CALN1: variants seen among roughly 807,000 people sequenced by gnomAD.
The protein encoded by CALN1 is calcium-binding protein 8.
A neutral mutation model predicts 30.6 loss-of-function variants in CALN1; 17 were observed. The ratio of observed to expected loss-of-function variants is 0.56; its 90% CI spans 0.38 to 0.83. The LOEUF is 0.83. Among genes scored for constraint, CALN1 ranks in the 40% least tolerant of loss-of-function variants. The pLI, the probability that CALN1 is intolerant of heterozygous loss-of-function variation, is 0.00. For missense variants in CALN1, 291 were observed against 354.9 expected (o/e 0.82, Z 1.45); for synonymous variants, 156 against 131.4 (o/e 1.19, Z -1.28).
In CALN1 at chr7:71,920,367, GCT is replaced by G. The variant is rs1276981407; in HGVS notation, c.501+103288_501+103289del. Among the ~76,000 whole-genome samples the G allele has an allele frequency of 3.3e-5, 4 of 119,940 alleles. No individual in the cohort carries two copies. In the East Asian group the frequency reaches 9.8e-4, roughly 29 times the overall value. The allele number at this position is 119,940 out of a possible 152,430, so 78.7% of individuals were successfully genotyped here. A position where few individuals can be genotyped will look rare whatever the true frequency, so the allele number is the denominator to read the frequency against. On this transcript the variant is annotated intron_variant, in intron 5 of 6. Coordinates refer to ENST00000395275, the MANE Select transcript of CALN1 (RefSeq NM_031468.4). Reference sequence around the variant, plus strand: ...TTTTTTTTTTTTGAGATGGAGTCTTGCTCTGTCACCTAGGCTGGAGTGTAGTG... The same window carrying G: ...TTTTTTTTTTTTGAGATGGAGTCTTGCTGTCACCTAGGCTGGAGTGTAGTG...
the CALN1 span, among the ~76,000 whole-genome samples, chr7:72,492,057 C>T: frequency 1.3e-5 from 2 of 152,180 alleles, no homozygotes; most frequent in Non-Finnish European, 2.9e-5. Context: ...TCATCTCTAC[C>T]CTTGGGCTCA....
chr7:71,840,218 T>C (rs78822119), intron 5 of CALN1, among the ~76,000 whole-genome samples: 1 of 100,930 alleles, frequency 9.9e-6, no homozygotes, highest in South Asian at 3.2e-4. Flanking sequence ...ATCCCAACAC[T>C]TTGGGAGGCT....
chr7:71,822,215 A>T (rs1788634836), intron 5 of CALN1, among the ~76,000 whole-genome samples: 1 of 151,218 alleles, frequency 6.6e-6, no homozygotes, highest in Non-Finnish European at 1.5e-5. Flanking sequence ...TATTGTTATA[A>T]ACATATTTGG....
At chr7:71,984,299 C>T (rs1446614007) in intron 5 of CALN1, among the ~76,000 whole-genome samples, 15 of 152,106 alleles carry the variant, frequency 9.9e-5, no homozygotes, top group Admixed American at 9.2e-4. Context: ...AGGAAGCCAG[C>T]CAAGTAGAAT....
At chr7:72,208,328 T>C (rs887330479) in intron 3 of CALN1, among the ~76,000 whole-genome samples, 4 of 152,240 alleles carry the variant, frequency 2.6e-5, no homozygotes, top group African/African-American at 9.6e-5. Context: ...ACACAAATTT[T>C]CACACTGGTG....
At chr7:72,231,954 C>T (rs1794134921) in intron 3 of CALN1, among the ~76,000 whole-genome samples, 1 of 152,210 alleles carries the variant, frequency 6.6e-6, no homozygotes, top group Admixed American at 6.5e-5. Flanking sequence ...AGAAAAGACG[C>T]TGTTGTCTTG....
intron 2 of CALN1, among the ~76,000 whole-genome samples, chr7:72,400,081 AC>A (rs1806236605): frequency 6.6e-6 from 1 of 151,928 alleles, no homozygotes; most frequent in Non-Finnish European, 1.5e-5. Context: ...AGCCAAATAA[AC>A]CTTTTTTTTA....
intron 3 of CALN1, among the ~76,000 whole-genome samples, chr7:72,202,603 A>G (rs1791523654): frequency 6.6e-6 from 1 of 152,108 alleles, no homozygotes; most frequent in African/African-American, 2.4e-5. Context: ...GGAAAACACC[A>G]GAATACCATC....
chr7:72,149,420 T>C (rs947099507), intron 3 of CALN1, among the ~76,000 whole-genome samples: 1 of 152,116 alleles, frequency 6.6e-6, no homozygotes, highest in Non-Finnish European at 1.5e-5. Flanking sequence ...TGAGCTGAGA[T>C]CACGCCACTG....
At position 71,799,765 on chromosome 7, in the gene CALN1, C is replaced by T. The variant is rs148242727; in HGVS notation, c.658+10571G>A. Reference sequence around the variant, plus strand: ...TGCTGGGACTACAGGCATGAGCCGCCGCGCCCAGCTGGGTCTCTATTTTCT... The same window carrying T: ...TGCTGGGACTACAGGCATGAGCCGCTGCGCCCAGCTGGGTCTCTATTTTCT... On this transcript the variant is annotated intron_variant, in intron 6 of 6. Coordinates refer to ENST00000395275, the MANE Select transcript of CALN1 (RefSeq NM_031468.4). Among the ~76,000 whole-genome samples, 751 of 152,244 alleles carry T rather than the reference C, an allele frequency of 4.9e-3. 3 individuals carry two copies. The highest frequency in any genetic ancestry group is 0.017 in the African/African-American group (717 of 41,542).
At chr7:72,277,157 C>A (rs1279336171) in intron 3 of CALN1, among the ~76,000 whole-genome samples, 1 of 152,124 alleles carries the variant, frequency 6.6e-6, no homozygotes, top group Non-Finnish European at 1.5e-5. Context: ...CCCCAGACAT[C>A]AAATCTGCTG....
chr7:72,441,350 C>A (rs1362000831), intron 1 of CALN1, among the ~76,000 whole-genome samples: 2 of 151,972 alleles, frequency 1.3e-5, no homozygotes, highest in African/African-American at 4.8e-5. Flanking sequence ...GTAATCCCAG[C>A]ACTTTGGGAA....
At chr7:72,471,442 C>A in the CALN1 span, among the ~76,000 whole-genome samples, 1 of 152,204 alleles carries the variant, frequency 6.6e-6, no homozygotes, top group Non-Finnish European at 1.5e-5. Context: ...AGCCATGCAC[C>A]TCCCCTGGGG....
intron 3 of CALN1, among the ~76,000 whole-genome samples, chr7:72,251,192 C>T (rs147647800): frequency 5.7e-4 from 87 of 152,244 alleles, no homozygotes; most frequent in Non-Finnish European, 1.0e-3. Context: ...TCTGATGTGC[C>T]CACCTCTCAC....
At chr7:72,039,073 A>G (rs1801972085) in intron 4 of CALN1, among the ~76,000 whole-genome samples, 1 of 152,238 alleles carries the variant, frequency 6.6e-6, no homozygotes, top group Non-Finnish European at 1.5e-5. Context: ...ACTATGAGCT[A>G]GAACTACAGG....
chr7:71,810,896 C>CTTTTTTTTTTTTTTTTTTT (rs71092916), intron 5 of CALN1, among the ~76,000 whole-genome samples: 1 of 139,196 alleles, frequency 7.2e-6, no homozygotes. Flanking sequence ...AAGCATGTAT[C>CTTTTTTTTTTTTTTTTTTT]TTTTTTTTTT....
intron 3 of CALN1, among the ~76,000 whole-genome samples, chr7:72,106,782 A>G (rs1239025631): frequency 3.4e-4 from 19 of 55,674 alleles, no homozygotes; most frequent in African/African-American, 7.3e-4. Context: ...GGGAGGAAGG[A>G]AGGGAGGGAG....
At chr7:71,873,662 T>C (rs1792077411) in intron 5 of CALN1, among the ~76,000 whole-genome samples, 1 of 152,214 alleles carries the variant, frequency 6.6e-6, no homozygotes, top group Admixed American at 6.5e-5. Context: ...CAAACATCCC[T>C]GGGCTACCCA....
intron 3 of CALN1, among the ~76,000 whole-genome samples, chr7:72,134,975 A>G (rs563781496): frequency 6.6e-6 from 1 of 152,340 alleles, no homozygotes; most frequent in African/African-American, 2.4e-5. Flanking sequence ...AAGCATCTTT[A>G]CCAGGAGTAG....
Sources: allele counts gnomAD v4.1 joint callset (sites outside exome capture counted in the v4.1 genomes callset), GRCh38; gene constraint gnomAD v4.1.1; transcripts MANE v1.5; gene names NCBI Gene and HGNC (gene_info 2026-07-23, HGNC 2026-07-21).